Variants in LRRC37A2 observed in about 807,000 individuals in gnomAD.
LRRC37A2 encodes leucine rich repeat containing 37 member A2, also known as leucine-rich repeat-containing protein 37A2.
In LRRC37A2, 9 loss-of-function variants were observed where a neutral mutation model predicts 68.8. The observed-to-expected ratio is 0.13, with a 90% confidence interval of 0.08 to 0.23. The LOEUF is 0.23. Among genes scored for constraint, LRRC37A2 ranks in the 10% least tolerant of loss-of-function variants. The pLI, the probability that LRRC37A2 is intolerant of heterozygous loss-of-function variation, is 1.00. For synonymous variants in LRRC37A2, 63 were observed against 367.6 expected (o/e 0.17, Z 9.48); for missense variants, 168 against 950.4 (o/e 0.18, Z 10.82).
the LRRC37A2 span, among the ~76,000 whole-genome samples, chr17:46,779,088 CA>C: frequency 1.3e-5 from 2 of 148,180 alleles, no homozygotes; most frequent in South Asian, 2.1e-4. Context: ...CACACACACA[CA>C]CACACACACA....
chr17:46,936,040 A>G, the LRRC37A2 span: 1 of 985,712 alleles, frequency 1.0e-6, no homozygotes, highest in East Asian at 1.1e-4. Flanking sequence ...GTTTCTGAAC[A>G]GTCCCTGCCA....
chr17:46,609,965 AT>A, the LRRC37A2 span, among the ~76,000 whole-genome samples: 5 of 143,666 alleles, frequency 3.5e-5, no homozygotes, highest in Non-Finnish European at 7.8e-5. Flanking sequence ...GGGATTACTG[AT>A]TTGTGCCACC....
chr17:46,805,755 C>G, the LRRC37A2 span, among the ~76,000 whole-genome samples: 1 of 152,056 alleles, frequency 6.6e-6, no homozygotes, highest in African/African-American at 2.4e-5. Flanking sequence ...TGTCTCAAAC[C>G]AAACCAAACT....
the LRRC37A2 span, among the ~76,000 whole-genome samples, chr17:46,918,313 C>T: frequency 1.7e-4 from 26 of 152,266 alleles, no homozygotes; most frequent in Non-Finnish European, 3.4e-4. Flanking sequence ...CTCTTGACCT[C>T]GTGATCCGCC....
chr17:46,606,836 A>G, the LRRC37A2 span, among the ~76,000 whole-genome samples: 2 of 5,490 alleles, frequency 3.6e-4, 1 homozygote, highest in Non-Finnish European at 9.3e-3. Context: ...AAATAAATAA[A>G]TAAAAGCAAG....
At chr17:46,825,282 C>T in the LRRC37A2 span, among the ~76,000 whole-genome samples, 2 of 152,170 alleles carry the variant, frequency 1.3e-5, no homozygotes, top group Non-Finnish European at 2.9e-5. Context: ...GTGTATGGGA[C>T]ATAAGCAGGC....
chr17:46,493,034 T>C, the LRRC37A2 span, among the ~76,000 whole-genome samples: 1 of 146,294 alleles, frequency 6.8e-6, no homozygotes, highest in Non-Finnish European at 1.5e-5. Flanking sequence ...TTAATAAGTA[T>C]ATGGTGGTAG....
the LRRC37A2 span, chr17:46,948,930 A>G: frequency 5.3e-5 from 8 of 152,214 alleles, no homozygotes; most frequent in African/African-American, 1.9e-4. Context: ...TCATTCATCC[A>G]TTCTTTCGAT....
At chr17:46,903,308 C>G in the LRRC37A2 span, among the ~76,000 whole-genome samples, 32 of 151,134 alleles carry the variant, frequency 2.1e-4, no homozygotes, top group African/African-American at 7.8e-4. Flanking sequence ...CAAGAAGAAA[C>G]TGTTCCTCTT....
chr17:47,002,642 G>A, the LRRC37A2 span, among the ~76,000 whole-genome samples: 6 of 151,934 alleles, frequency 3.9e-5, no homozygotes, highest in Admixed American at 6.6e-5. Flanking sequence ...CACCTGCCTC[G>A]GCCTCCCAAA....
the LRRC37A2 span, among the ~76,000 whole-genome samples, chr17:47,008,501 C>T: frequency 1.3e-5 from 2 of 150,328 alleles, no homozygotes; most frequent in African/African-American, 2.4e-5. Context: ...CTCTGTCGCT[C>T]AGGCTGGAGT....
At chr17:46,783,504 G>T in the LRRC37A2 span, among the ~76,000 whole-genome samples, 1 of 152,250 alleles carries the variant, frequency 6.6e-6, no homozygotes, top group Admixed American at 6.5e-5. Context: ...GGAGGCTGCT[G>T]TCAGTAACAG....
At chr17:46,793,041 G>T in the LRRC37A2 span, among the ~76,000 whole-genome samples, 2 of 151,528 alleles carry the variant, frequency 1.3e-5, no homozygotes, top group Non-Finnish European at 2.9e-5. Context: ...GAGGCGGGAG[G>T]AGCACTTGAG....
the LRRC37A2 span, chr17:46,979,225 G>T: frequency 9.4e-6 from 4 of 426,424 alleles, no homozygotes; most frequent in Non-Finnish European, 1.2e-5. Flanking sequence ...AACAGGCGGC[G>T]CAGGAGCTGG....
the LRRC37A2 span, among the ~76,000 whole-genome samples, chr17:46,993,724 G>A: frequency 7.7e-4 from 117 of 152,310 alleles, no homozygotes; most frequent in Middle Eastern, 6.8e-3. Context: ...AGAAAGTGAG[G>A]GCTTCAAGTC....
At chr17:46,779,256 A>G in the LRRC37A2 span, among the ~76,000 whole-genome samples, 30 of 152,142 alleles carry the variant, frequency 2.0e-4, 2 homozygotes, top group Admixed American at 1.9e-3. Flanking sequence ...CACACAGGAC[A>G]AGACTCCTTG....
At chr17:46,805,517 G>A in the LRRC37A2 span, among the ~76,000 whole-genome samples, 6 of 152,320 alleles carry the variant, frequency 3.9e-5, no homozygotes, top group African/African-American at 1.4e-4. Flanking sequence ...AGGTTGCAGT[G>A]AGCCAAGATC....
At chr17:46,936,316 T>TG in the LRRC37A2 span, 3 of 985,278 alleles carry the variant, frequency 3.0e-6, no homozygotes, top group Non-Finnish European at 3.6e-6. Flanking sequence ...GAAGAGCCAG[T>TG]GGGGGTTAGA....
At chr17:46,790,108 A>T in the LRRC37A2 span, among the ~76,000 whole-genome samples, 1 of 152,084 alleles carries the variant, frequency 6.6e-6, no homozygotes, top group South Asian at 2.1e-4. Flanking sequence ...GGCAGTCCAG[A>T]GCGAGCCTCA....
Sources: gnomAD v4.1 joint callset for allele counts (sites outside exome capture counted in the v4.1 genomes callset) on GRCh38, gnomAD v4.1.1 for gene constraint, MANE v1.5 for transcripts, NCBI Gene and HGNC (gene_info 2026-07-23, HGNC 2026-07-21) for gene names.